IL31RA: variants seen among roughly 807,000 people sequenced by gnomAD.
IL31RA encodes the protein interleukin-31 receptor subunit alpha.
Under a neutral mutation model 83.7 loss-of-function variants are expected in IL31RA, and 66 were observed. The ratio of observed to expected loss-of-function variants is 0.79; its 90% confidence interval spans 0.65 to 0.97. The LOEUF is 0.97. Ranked by LOEUF, IL31RA falls within the 50% of genes least tolerant of loss-of-function variation. The pLI is 0.00. For synonymous variants in IL31RA, 325 were observed against 329.0 expected, an observed-to-expected ratio of 0.99 and a Z score of 0.13; for missense variants, 798 against 919.4, an observed-to-expected ratio of 0.87 and a Z score of 1.71.
intron 12 of IL31RA, among the ~76,000 whole-genome samples, chr5:55,912,572 G>A (rs1223712356): frequency 1.3e-5 from 2 of 152,188 alleles, no homozygotes; most frequent in Non-Finnish European, 2.9e-5. Context: ...CAAGGCAGGA[G>A]GATCACTCAA....
intron 13 of IL31RA, among the ~76,000 whole-genome samples, chr5:55,914,143 G>A (rs1749654980): frequency 6.6e-6 from 1 of 152,120 alleles, no homozygotes; most frequent in Non-Finnish European, 1.5e-5. Context: ...GAGCCTTATG[G>A]CACCCTAATG....
chr5:55,867,831 C>G (rs1006277606), intron 2 of IL31RA, among the ~76,000 whole-genome samples: 5 of 152,042 alleles, frequency 3.3e-5, no homozygotes, highest in African/African-American at 1.2e-4. Context: ...CCCGTCAGAT[C>G]TCGTGGGTTA....
chr5:55,898,540 A>G (rs1748578988), intron 7 of IL31RA, among the ~76,000 whole-genome samples: 1 of 143,828 alleles, frequency 7.0e-6, no homozygotes, highest in African/African-American at 2.6e-5. Context: ...GTTATTTAAA[A>G]AAGTTATTTA....
the IL31RA span, among the ~76,000 whole-genome samples, chr5:55,845,165 A>G: frequency 1.3e-5 from 2 of 152,148 alleles, no homozygotes; most frequent in African/African-American, 2.4e-5. Flanking sequence ...AGTATGCCTT[A>G]TAACATTTTG....
intron 4 of IL31RA, among the ~76,000 whole-genome samples, chr5:55,877,008 A>G (rs559366292): frequency 1.6e-4 from 25 of 152,230 alleles, no homozygotes; most frequent in African/African-American, 4.6e-4. Flanking sequence ...TTTGACATTT[A>G]AAATTTTTTC....
intron 8 of IL31RA, 117 bp from the exon 9 acceptor site, chr5:55,905,989 T>G (rs1749124507): frequency 1.0e-6 from 1 of 997,518 alleles, no homozygotes; most frequent in Non-Finnish European, 1.6e-6. Context: ...GAGGCTGCAG[T>G]GGAGATCCTG....
chr5:55,867,113 A>T (rs56210458), intron 2 of IL31RA, among the ~76,000 whole-genome samples: 1 of 101,702 alleles, frequency 9.8e-6, no homozygotes, highest in Non-Finnish European at 2.1e-5. Context: ...GTGTGTGTGC[A>T]TGTGTGTGTT....
Position 55,867,748 on chromosome 5 carries a change from G to A in IL31RA, c.155-1043G>A, listed in dbSNP as rs184604920. On this transcript the variant is annotated intron_variant, in intron 2 of 14. Transcript: ENST00000652347. The stretch of plus-strand genomic sequence containing the variant: ...GGGAGGCCTCAGAATCATGGTGGGA[G>A]GCAAAAGGCACTTCCTACATGGCTG... Among the ~76,000 whole-genome samples the A allele has an allele frequency of 2.3e-3, 351 of 152,208 alleles. 1 individual carries two copies. The highest frequency in any genetic ancestry group is 7.6e-3 in the African/African-American group (315 of 41,538).
intron 4 of IL31RA, among the ~76,000 whole-genome samples, chr5:55,872,695 T>C (rs1413992343): frequency 6.6e-6 from 1 of 152,018 alleles, no homozygotes; most frequent in Non-Finnish European, 1.5e-5. Flanking sequence ...AAAAGCTATT[T>C]TGTGGGCCAC....
chr5:55,859,899 A>G (rs916319153), intron 2 of IL31RA, among the ~76,000 whole-genome samples: 4 of 152,220 alleles, frequency 2.6e-5, no homozygotes, highest in Non-Finnish European at 5.9e-5. Flanking sequence ...CTGTGGGGGA[A>G]TATGTTCCAA....
chr5:55,840,285 A>G, the IL31RA span, among the ~76,000 whole-genome samples: 1 of 152,230 alleles, frequency 6.6e-6, no homozygotes, highest in African/African-American at 2.4e-5. Context: ...CAGCAAAGGC[A>G]ACAAATTGGA....
At chr5:55,855,975 T>C (rs1282997644) in intron 1 of IL31RA, among the ~76,000 whole-genome samples, 1 of 152,196 alleles carries the variant, frequency 6.6e-6, no homozygotes, top group African/African-American at 2.4e-5. Flanking sequence ...CTGCTCACTG[T>C]AACCTCTGCC....
rs1241829045 is a variant in IL31RA at position 55,917,116 on chromosome 5, T to C, written c.2291T>C (p.Val764Ala). 6.2e-7 allele frequency: 1 copy of C among 1,613,956 alleles called. No homozygotes were observed. Among genetic ancestry groups the C allele is most frequent in the African/African-American group, 1.3e-5 (1 of 74,990 alleles). The change falls in exon 15 of 15, where the codon GTC (valine) becomes GCC (alanine). Residue 764 changes from valine to alanine, a missense_variant. Val to Ala is a moderately conservative substitution (Grantham distance 64). Coordinates refer to ENST00000652347, the MANE Select transcript of IL31RA (RefSeq NM_139017.7). Reference protein sequence around the residue: ...EKLPEHTKGEV With the variant: ...EKLPEHTKGEA ...CTTCCAGAGCACACCAAGGGAGAAG[T>C]CTAAATGCGACCATAGCATGAGACC...
chr5:55,882,223 C>T (rs1747284462), intron 4 of IL31RA, among the ~76,000 whole-genome samples: 1 of 152,116 alleles, frequency 6.6e-6, no homozygotes, highest in Non-Finnish European at 1.5e-5. Flanking sequence ...TGATTAGCTA[C>T]CTACTGTAAT....
chr5:55,907,056 G>A (rs947771650), intron 9 of IL31RA, among the ~76,000 whole-genome samples: 1 of 152,232 alleles, frequency 6.6e-6, no homozygotes, highest in Non-Finnish European at 1.5e-5. Flanking sequence ...ATTAGGCAGC[G>A]TGTTCAGCGA....
In IL31RA at chr5:55,867,230, TGTTTG is replaced by T. The variant is rs1746190496; in HGVS notation, c.155-1560_155-1556del. On this transcript the variant is annotated intron_variant, in intron 2 of 14. Transcript: ENST00000652347. ...GTGTGCGCATGTGTGTTTGTGTGTGTGTTTGTGTGTGTGTTTGTGTGTGCGTGTGT... is the reference window on the plus strand; with the variant it reads ...GTGTGCGCATGTGTGTTTGTGTGTGTTGTGTGTGTTTGTGTGTGCGTGTGT... 4.1e-5 allele frequency among the ~76,000 whole-genome samples: 5 copies of T among 121,600 alleles called. No individual in the cohort carries two copies. In the South Asian group the frequency reaches 1.1e-3, roughly 26 times the overall value. 79.8% of individuals were successfully genotyped at this position (121,600 alleles called of 152,430 possible).
At chr5:55,915,103 G>A (rs1433700646) in intron 14 of IL31RA, among the ~76,000 whole-genome samples, 175 bp downstream of exon 14, 1 of 152,166 alleles carries the variant, frequency 6.6e-6, no homozygotes, top group East Asian at 1.9e-4. Context: ...TTCCTGGAAT[G>A]ACTTTGACTT....
At chr5:55,913,379 A>G (rs1749612559) in intron 12 of IL31RA, 98 bp from the exon 13 acceptor site, 1 of 803,764 alleles carries the variant, frequency 1.2e-6, no homozygotes, top group African/African-American at 1.7e-5. Flanking sequence ...CTAATAAGAC[A>G]TTGTGTTGCT....
intron 1 of IL31RA, among the ~76,000 whole-genome samples, chr5:55,854,555 G>A (rs1413409051): frequency 6.6e-6 from 1 of 151,988 alleles, no homozygotes; most frequent in Non-Finnish European, 1.5e-5. Context: ...GACCAGCCTG[G>A]CCAACATGGC....
Sources: gnomAD v4.1 joint callset for allele counts (sites outside exome capture counted in the v4.1 genomes callset) on GRCh38, gnomAD v4.1.1 for gene constraint, MANE v1.5 for transcripts, NCBI Gene and HGNC (gene_info 2026-07-23, HGNC 2026-07-21) for gene names.